Variants in CCDC60 observed in about 807,000 individuals in gnomAD.
CCDC60 encodes the protein coiled-coil domain-containing protein 60.
In CCDC60, 54 loss-of-function variants were observed where a neutral mutation model predicts 63.5. That is an observed-to-expected ratio of 0.85 (90% CI 0.68 to 1.07). The LOEUF is 1.07. Among genes scored for constraint, CCDC60 ranks in the 50% least tolerant of loss-of-function variants. CCDC60 has a pLI of 0.00. For synonymous variants in CCDC60, 206 were observed against 238.8 expected, an observed-to-expected ratio of 0.86 and a Z score of 1.27; for missense variants, 651 against 684.3, an observed-to-expected ratio of 0.95 and a Z score of 0.54.
chr12:119,505,727 A>T (rs2136431583), intron 7 of CCDC60, among the ~76,000 whole-genome samples: 1 of 152,274 alleles, frequency 6.6e-6, no homozygotes, highest in African/African-American at 2.4e-5. Context: ...GTGATGGCAC[A>T]CATCTGTAGT....
chr12:119,503,083 A>G (rs1018032552), intron 6 of CCDC60, among the ~76,000 whole-genome samples: 2 of 152,194 alleles, frequency 1.3e-5, no homozygotes, highest in African/African-American at 2.4e-5. Flanking sequence ...AGGCCGAGGC[A>G]GGAGAATAGC....
intron 1 of CCDC60, among the ~76,000 whole-genome samples, chr12:119,412,058 C>T (rs1160334587): frequency 6.6e-6 from 1 of 152,098 alleles, no homozygotes; most frequent in East Asian, 1.9e-4. Flanking sequence ...TGCTCTTGCC[C>T]CTCACTGAGC....
intron 1 of CCDC60, among the ~76,000 whole-genome samples, chr12:119,400,633 A>T (rs1178163795): frequency 6.6e-6 from 1 of 152,220 alleles, no homozygotes; most frequent in Non-Finnish European, 1.5e-5. Context: ...AGCCATAGGA[A>T]TGCCTGAAAG....
At chr12:119,461,853 T>C (rs761764631) in intron 2 of CCDC60, among the ~76,000 whole-genome samples, 1 of 152,082 alleles carries the variant, frequency 6.6e-6, no homozygotes, top group Non-Finnish European at 1.5e-5. Flanking sequence ...ATGAAGAAAA[T>C]GTAGGGAACA....
chr12:119,426,582 T>C (rs1956905929), intron 1 of CCDC60, among the ~76,000 whole-genome samples: 1 of 152,088 alleles, frequency 6.6e-6, no homozygotes, highest in South Asian at 2.1e-4. Context: ...TGGTCTCAAA[T>C]TCCTGAGCTC....
chr12:119,431,730 G>A (rs553620563), intron 2 of CCDC60, among the ~76,000 whole-genome samples: 30 of 152,144 alleles, frequency 2.0e-4, no homozygotes, highest in Admixed American at 5.2e-4. Flanking sequence ...CCAGGCTGGC[G>A]TGCAGTGGCA....
intron 7 of CCDC60, among the ~76,000 whole-genome samples, chr12:119,507,618 T>A (rs1262059438): frequency 8.0e-5 from 8 of 100,258 alleles, no homozygotes; most frequent in Non-Finnish European, 1.1e-4. Flanking sequence ...ATATATATTT[T>A]TTTTTTTTTT....
intron 1 of CCDC60, among the ~76,000 whole-genome samples, chr12:119,400,261 G>T (rs1465705252): frequency 1.3e-5 from 2 of 152,174 alleles, no homozygotes; most frequent in Non-Finnish European, 2.9e-5. Flanking sequence ...GTATTAGCCA[G>T]GATGGTCTCG....
chr12:119,392,120 G>A (rs933001785), intron 1 of CCDC60, among the ~76,000 whole-genome samples: 2 of 152,168 alleles, frequency 1.3e-5, no homozygotes, highest in Non-Finnish European at 2.9e-5. Flanking sequence ...AGAGAAAGGG[G>A]TGTCCTGTGG....
At chr12:119,487,147 C>G (rs1055539734) in intron 4 of CCDC60, among the ~76,000 whole-genome samples, 11 of 152,144 alleles carry the variant, frequency 7.2e-5, no homozygotes, top group Admixed American at 5.2e-4. Context: ...CCCGTGAGAG[C>G]ACAGACATGG....
intron 2 of CCDC60, among the ~76,000 whole-genome samples, chr12:119,439,251 A>G (rs555755390): frequency 1.3e-5 from 2 of 152,016 alleles, no homozygotes; most frequent in Admixed American, 1.3e-4. Context: ...TCTGTTGATC[A>G]AACTTGTGTG....
intron 6 of CCDC60, 99 bp downstream of exon 6, chr12:119,500,267 C>A: frequency 1.2e-6 from 1 of 807,036 alleles, no homozygotes; most frequent in Non-Finnish European, 2.0e-6. Flanking sequence ...ATTTTTTTTT[C>A]CTAGTTGGTT....
At chr12:119,339,847 A>C (rs1358305519) in intron 1 of CCDC60, among the ~76,000 whole-genome samples, 3 of 152,106 alleles carry the variant, frequency 2.0e-5, no homozygotes, top group Non-Finnish European at 1.5e-5. Context: ...ATTCTTCGCA[A>C]ACTCTGTGCT....
chr12:119,520,033 A>C, intron 8 of CCDC60, 88 bp from the exon 9 acceptor site: 2 of 1,106,722 alleles, frequency 1.8e-6, no homozygotes, highest in Non-Finnish European at 2.7e-6. Flanking sequence ...TGCTCTAGAA[A>C]GAGAATTCCC....
At chr12:119,537,057 A>G (rs1330846708) in intron 13 of CCDC60, among the ~76,000 whole-genome samples, 1 of 152,154 alleles carries the variant, frequency 6.6e-6, no homozygotes, top group Non-Finnish European at 1.5e-5. Flanking sequence ...CCAATCAAAC[A>G]TAGTTTTGGT....
intron 1 of CCDC60, among the ~76,000 whole-genome samples, chr12:119,413,813 G>A (rs924513516): frequency 6.6e-6 from 1 of 152,278 alleles, no homozygotes; most frequent in African/African-American, 2.4e-5. Flanking sequence ...GCCCCTCAGA[G>A]AGCAGTCCCC....
chr12:119,514,240 A>G lies in CCDC60; in HGVS notation c.884-2383A>G, dbSNP rs946841083. Among the ~76,000 whole-genome samples the G allele has an allele frequency of 6.0e-5, 9 of 150,858 alleles. No individual in the cohort carries two copies. The East Asian group carries it at 1.8e-3, about 29-fold the overall frequency. On this transcript the variant is annotated intron_variant, in intron 7 of 13. Coordinates refer to ENST00000327554, the MANE Select transcript of CCDC60 (RefSeq NM_178499.5). ...TGCCCAGGCTGGAGTGCAGTGGCGC[A>G]GTCTCGGTTTACTGCAACCTCCACC...
rs1467155671 is a variant in CCDC60, at chr12:119,488,744, T to C, written c.450-15T>C. 1.2e-6 allele frequency: 2 copies of C among 1,611,736 alleles called. No homozygotes were observed. The highest frequency in any genetic ancestry group is 1.7e-5 in the Admixed American group (1 of 59,990). On this transcript the variant is annotated splice_polypyrimidine_tract_variant and intron_variant, in intron 4 of 13. Transcript: ENST00000327554. ...TAACAGGATCCCACTGTGTTCCCTC[T>C]CTCTGTCTTTGCAGCGAGCCCCTCT...
At chr12:119,524,917 T>C (rs542758412) in intron 11 of CCDC60, among the ~76,000 whole-genome samples, 15 of 151,968 alleles carry the variant, frequency 9.9e-5, no homozygotes, top group Admixed American at 9.8e-4. Flanking sequence ...CCTCTCACCT[T>C]GGCCTCCCAA....
Sources: allele counts gnomAD v4.1 joint callset (sites outside exome capture counted in the v4.1 genomes callset), GRCh38; gene constraint gnomAD v4.1.1; transcripts MANE v1.5; gene names NCBI Gene and HGNC (gene_info 2026-07-23, HGNC 2026-07-21).